Variants in ARID5B observed in about 807,000 individuals in gnomAD.
ARID5B encodes AT-rich interaction domain 5B, also known as AT-rich interactive domain-containing protein 5B.
A neutral mutation model predicts 97.2 loss-of-function variants in ARID5B; 13 were observed. That is an observed-to-expected ratio of 0.13 (90% confidence interval 0.09 to 0.21). ARID5B has a LOEUF of 0.21. Ranked by LOEUF, ARID5B falls within the 10% of genes least tolerant of loss-of-function variation. The pLI is 1.00. For synonymous variants in ARID5B, 556 were observed against 570.3 expected (o/e 0.97, Z 0.36); for missense variants, 1,210 against 1,465.3 (o/e 0.83, Z 2.84).
At chr10:62,070,172 T>C (rs1396228691) in intron 8 of ARID5B, among the ~76,000 whole-genome samples, 1 of 152,154 alleles carries the variant, frequency 6.6e-6, no homozygotes, top group Non-Finnish European at 1.5e-5. Flanking sequence ...GCACTTCTCA[T>C]AATATTAGCA....
chr10:61,952,372 T>C lies in ARID5B; in HGVS notation c.502+11964T>C, dbSNP rs144279086. ...CCTGCTTTATTGAGCTCTTATCTTA[T>C]CACATTTAGTGTCTCTACCACCTTA... On this transcript the variant is annotated intron_variant, in intron 3 of 9. Coordinates refer to ENST00000279873, the MANE Select transcript of ARID5B (RefSeq NM_032199.3). Among the ~76,000 whole-genome samples, 182 of 152,376 alleles carry C rather than the reference T, an allele frequency of 1.2e-3. 1 individual carries two copies. The highest frequency in any genetic ancestry group is 4.1e-3 in the African/African-American group (172 of 41,592).
intron 2 of ARID5B, among the ~76,000 whole-genome samples, chr10:61,914,464 A>G: frequency 6.6e-6 from 1 of 152,238 alleles, no homozygotes; most frequent in East Asian, 1.9e-4. Flanking sequence ...TTTCTCTCCT[A>G]TAGTAAGAAG....
chr10:62,088,467 GGAT>G (rs1840321587), intron 9 of ARID5B, among the ~76,000 whole-genome samples: 1 of 152,204 alleles, frequency 6.6e-6, no homozygotes, highest in Non-Finnish European at 1.5e-5. Context: ...CTGTCAGCTT[GGAT>G]GATGACCATG....
At chr10:61,997,262 G>A (rs959827686) in intron 3 of ARID5B, among the ~76,000 whole-genome samples, 4 of 151,630 alleles carry the variant, frequency 2.6e-5, no homozygotes, top group African/African-American at 9.7e-5. Flanking sequence ...TTTGAACTAG[G>A]ATGAGGTGGA....
intron 3 of ARID5B, among the ~76,000 whole-genome samples, chr10:61,989,492 A>G (rs899949823): frequency 6.6e-6 from 1 of 152,216 alleles, no homozygotes. Context: ...TTAATAAGTA[A>G]AAAATGTTAA....
At position 62,000,374 on chromosome 10, in the gene ARID5B, G is replaced by A. The variant is rs1839060586; in HGVS notation, c.733+53G>A. The A allele has an allele frequency of 6.7e-7, 1 of 1,482,156 alleles. No individual in the cohort carries two copies. The highest frequency in any genetic ancestry group is 2.0e-5 in the Admixed American group (1 of 48,860). The allele number at this position is 1,482,156 out of a possible 1,614,324, so 91.8% of individuals were successfully genotyped here. The stretch of plus-strand genomic sequence containing the variant: ...GATTCTTGTGCGTGTGTGCCTAGTT[G>A]TTTTCAGTTCTTCTGAAGAGCGGTG... On this transcript the variant is annotated intron_variant, in intron 4 of 9. Transcript: ENST00000279873. The surrounding 1 kb of genome is among the most constrained non-coding windows in gnomAD (Gnocchi z 4.4).
chr10:61,965,286 T>C (rs1325700564), intron 3 of ARID5B, among the ~76,000 whole-genome samples: 1 of 152,194 alleles, frequency 6.6e-6, no homozygotes, highest in African/African-American at 2.4e-5. Context: ...CCTTTGAATA[T>C]CCCTCTTTAA....
At chr10:62,073,139 G>A (rs3740353) in intron 8 of ARID5B, among the ~76,000 whole-genome samples, 50,016 of 152,044 alleles carry the variant, frequency 0.33, 8,979 homozygotes, top group Non-Finnish European at 0.41. Context: ...AGGATGATGA[G>A]AGCTCTTCCT....
chr10:62,079,881 AC>A (rs1840188528), intron 8 of ARID5B, among the ~76,000 whole-genome samples: 1 of 152,148 alleles, frequency 6.6e-6, no homozygotes, highest in Admixed American at 6.5e-5. Context: ...CAGAAAAGAG[AC>A]CTTTTGTGGT....
chr10:62,055,133 G>A (rs1049593724), intron 5 of ARID5B, among the ~76,000 whole-genome samples: 2 of 152,128 alleles, frequency 1.3e-5, no homozygotes, highest in African/African-American at 4.8e-5. Context: ...ATTTCTAAGT[G>A]GTAGGTTTCG....
In ARID5B at chr10:62,062,948, C is replaced by T. The variant is rs551412930; in HGVS notation, c.1101+3653C>T. Among the ~76,000 whole-genome samples the T allele has an allele frequency of 1.6e-4, 24 of 152,254 alleles. No homozygotes were observed. The East Asian group carries it at 4.1e-3, about 26-fold the overall frequency. On this transcript the variant is annotated intron_variant, in intron 7 of 9. Coordinates refer to ENST00000279873, the MANE Select transcript of ARID5B (RefSeq NM_032199.3). ...GAATTTGGTACACAATTGTCTCACC[C>T]TCTGTAGCGTTGCTGAAAGAGATTT...
chr10:61,951,236 G>T (rs758454326), intron 3 of ARID5B, among the ~76,000 whole-genome samples: 7 of 152,160 alleles, frequency 4.6e-5, no homozygotes, highest in African/African-American at 1.7e-4. Flanking sequence ...CAAAGACTTC[G>T]TGAAGTGCTT....
chr10:62,004,965 G>T (rs1414859357), intron 4 of ARID5B, among the ~76,000 whole-genome samples: 1 of 152,174 alleles, frequency 6.6e-6, no homozygotes, highest in African/African-American at 2.4e-5. Context: ...CTTAAGAAAT[G>T]GTTGACTTAA....
At chr10:61,906,774 A>T (rs970482337) in intron 2 of ARID5B, among the ~76,000 whole-genome samples, 1 of 152,182 alleles carries the variant, frequency 6.6e-6, no homozygotes, top group Admixed American at 6.5e-5. Flanking sequence ...TGGGTCCAGG[A>T]GTCTGAATTT....
intron 7 of ARID5B, among the ~76,000 whole-genome samples, chr10:62,068,812 AT>A (rs1016509531): frequency 1.3e-5 from 2 of 152,158 alleles, no homozygotes; most frequent in Non-Finnish European, 2.9e-5. Flanking sequence ...CAAATTAATC[AT>A]TTGCCAGATC....
At chr10:61,978,458 C>G (rs371851232) in intron 3 of ARID5B, among the ~76,000 whole-genome samples, 17 of 152,284 alleles carry the variant, frequency 1.1e-4, no homozygotes, top group African/African-American at 4.1e-4. Context: ...GGCAGTATGG[C>G]CATTTTCACG....
At chr10:62,008,345 G>A (rs1037647369) in intron 4 of ARID5B, among the ~76,000 whole-genome samples, 3 of 152,170 alleles carry the variant, frequency 2.0e-5, no homozygotes, top group Non-Finnish European at 4.4e-5. Context: ...CTCAGTGTCC[G>A]TGCTCTTTGC....
chr10:61,981,048 A>G (rs147204478), intron 3 of ARID5B, among the ~76,000 whole-genome samples: 253 of 152,330 alleles, frequency 1.7e-3, no homozygotes, highest in Non-Finnish European at 2.7e-3. Context: ...TTGGAATCAG[A>G]CAGACCTGGG....
chr10:61,902,562 GC>G (rs1843634566), intron 2 of ARID5B, 149 bp downstream of exon 2: 2 of 1,139,690 alleles, frequency 1.8e-6, no homozygotes. Flanking sequence ...ACTAGCTGGG[GC>G]TCGAGTATTT....
Sources: allele counts gnomAD v4.1 joint callset (sites outside exome capture counted in the v4.1 genomes callset), GRCh38; gene constraint gnomAD v4.1.1; non-coding constraint Gnocchi (gnomAD v3.1); transcripts MANE v1.5; gene names NCBI Gene and HGNC (gene_info 2026-07-23, HGNC 2026-07-21).